CDON: variants seen among roughly 807,000 people sequenced by gnomAD.
CDON encodes the protein cell adhesion associated, oncogene regulated, also known as cell adhesion molecule-related/down-regulated by oncogenes.
A neutral mutation model predicts 120.9 loss-of-function variants in CDON; 73 were observed. That is an observed-to-expected ratio of 0.60 (90% confidence interval 0.50 to 0.73). The LOEUF (loss-of-function observed/expected upper bound fraction) is 0.73. Among genes scored for constraint, CDON ranks in the 30% least tolerant of loss-of-function variants. The pLI is 0.00. For synonymous variants in CDON, 566 were observed against 573.5 expected (o/e 0.99, Z 0.19); for missense variants, 1,470 against 1,587.3 (o/e 0.93, Z 1.26).
intron 12 of CDON, among the ~76,000 whole-genome samples, chr11:125,996,459 G>A (rs1218299394): frequency 1.3e-5 from 2 of 150,112 alleles, no homozygotes; most frequent in Non-Finnish European, 3.0e-5. Context: ...AGCACTTTGG[G>A]AGGCTGAGGC....
chr11:126,013,755 T>A (rs757471285), intron 7 of CDON, among the ~76,000 whole-genome samples: 1 of 152,124 alleles, frequency 6.6e-6, no homozygotes, highest in African/African-American at 2.4e-5. Flanking sequence ...TCTTTATTGA[T>A]CCTCTGTATT....
chr11:126,033,308 G>A (rs1027211591), intron 1 of CDON, among the ~76,000 whole-genome samples: 2 of 152,054 alleles, frequency 1.3e-5, no homozygotes, highest in Non-Finnish European at 2.9e-5. Context: ...GAGGTAAGTG[G>A]GGTTCTAAGG....
chr11:125,974,824 G>A (rs73019389), intron 18 of CDON, among the ~76,000 whole-genome samples: 35,787 of 151,770 alleles, frequency 0.24, 4,521 homozygotes, highest in South Asian at 0.3. Context: ...TTTTTATGAT[G>A]TATCATTTTA....
chr11:126,050,853 A>C (rs1007320671), intron 1 of CDON, among the ~76,000 whole-genome samples: 3 of 152,152 alleles, frequency 2.0e-5, no homozygotes, highest in Non-Finnish European at 4.4e-5. Flanking sequence ...CTCTGCAAAA[A>C]GCAATACTTC....
chr11:126,020,956 G>C (rs555371093), intron 3 of CDON, among the ~76,000 whole-genome samples: 1 of 151,160 alleles, frequency 6.6e-6, no homozygotes, highest in Admixed American at 6.6e-5. Context: ...CATTTAAAAA[G>C]TGTCCTTCCC....
At chr11:125,973,073 C>T (rs60015799) in intron 18 of CDON, among the ~76,000 whole-genome samples, 39,261 of 133,148 alleles carry the variant, frequency 0.29, 5,846 homozygotes, top group African/African-American at 0.32. Flanking sequence ...GACTCATCTC[C>T]TTCTAAATCC....
At chr11:125,973,018 CT>C (rs35828939) in intron 18 of CDON, among the ~76,000 whole-genome samples, 44,558 of 86,462 alleles carry the variant, frequency 0.52, 11,395 homozygotes, top group East Asian at 0.6. Flanking sequence ...ATTACTTGGT[CT>C]TTTTTTTTTT....
At chr11:126,009,315 A>G (rs1426042748) in intron 8 of CDON, among the ~76,000 whole-genome samples, 2 of 152,158 alleles carry the variant, frequency 1.3e-5, no homozygotes, top group African/African-American at 4.8e-5. Context: ...TATTTCAACC[A>G]TCACTCCTCT....
At chr11:126,017,706 CTT>C (rs11427608) in intron 5 of CDON, among the ~76,000 whole-genome samples, 1 of 140,760 alleles carries the variant, frequency 7.1e-6, no homozygotes. Flanking sequence ...AGACATATCT[CTT>C]TTTTTTTTTT....
intron 8 of CDON, among the ~76,000 whole-genome samples, chr11:126,010,120 A>G (rs1047600980): frequency 6.6e-6 from 1 of 152,210 alleles, no homozygotes; most frequent in Non-Finnish European, 1.5e-5. Flanking sequence ...AGCTTTCTGT[A>G]TTGCACCTAC....
chr11:126,010,370 G>A lies in CDON; in HGVS notation c.1523C>T (p.Thr508Ile), dbSNP rs745899080. 2.5e-6 allele frequency: 4 copies of A among 1,612,546 alleles called. No homozygotes were observed. The highest frequency in any genetic ancestry group is 3.4e-6 in the Non-Finnish European group (4 of 1,179,362). ...YICEAANEHGTTQAEASLMVV... is the reference protein window; with the variant it reads ...YICEAANEHGITQAEASLMVV... ...CATGAGAGATGCTTCTGCCTGTGTG[G>A]TACCATGTTCATTTGCAGCTTCGCA... Residue 508 changes from threonine to isoleucine, a missense_variant, in exon 8 of 20, where the codon ACC becomes ATC. By Grantham distance (89) the Thr-to-Ile change is moderately conservative (BLOSUM62 -1). Coordinates refer to ENST00000531738, the MANE Select transcript of CDON (RefSeq NM_001378964.1).
At chr11:126,022,057 G>A (rs11827811) in intron 2 of CDON, among the ~76,000 whole-genome samples, 3,429 of 139,126 alleles carry the variant, frequency 0.025, 136 homozygotes, top group African/African-American at 0.088. Context: ...AGCCATGACT[G>A]CACCACTGCA....
chr11:125,972,674 C>G (rs891483399), intron 18 of CDON, among the ~76,000 whole-genome samples: 8 of 152,168 alleles, frequency 5.3e-5, no homozygotes, highest in Non-Finnish European at 1.0e-4. Flanking sequence ...TAAAAGGGGT[C>G]AAGGGTTGGC....
chr11:126,053,814 T>C (rs1382972699), intron 1 of CDON, among the ~76,000 whole-genome samples: 1 of 150,460 alleles, frequency 6.6e-6, no homozygotes, highest in Non-Finnish European at 1.5e-5. Context: ...AGGTTACTGA[T>C]AAACCCTATG....
At chr11:125,990,106 A>G (rs1303554933) in intron 14 of CDON, among the ~76,000 whole-genome samples, 3 of 152,196 alleles carry the variant, frequency 2.0e-5, no homozygotes, top group African/African-American at 7.2e-5. Context: ...TTTCATCCCT[A>G]TCTTAACCCA....
In CDON at chr11:125,984,509, CA is replaced by C. The variant is rs1462066813; in HGVS notation, c.2774-417del. On this transcript the variant is annotated intron_variant, in intron 15 of 19. Coordinates refer to ENST00000531738, the MANE Select transcript of CDON (RefSeq NM_001378964.1). Reference sequence around the variant, plus strand: ...CTCAGGAGTTTGCGAACGGCCTGAGCAACACAGGGAAACCCCGTGTCTACTA... The same window carrying C: ...CTCAGGAGTTTGCGAACGGCCTGAGCACACAGGGAAACCCCGTGTCTACTA... 2.6e-5 allele frequency among the ~76,000 whole-genome samples: 4 copies of C among 152,112 alleles called. No individual in the cohort carries two copies. The East Asian group carries it at 7.7e-4, about 29-fold the overall frequency.
intron 5 of CDON, among the ~76,000 whole-genome samples, chr11:126,018,070 T>C (rs1173863648): frequency 2.0e-5 from 3 of 152,136 alleles, no homozygotes; most frequent in African/African-American, 7.2e-5. Flanking sequence ...CAGCTAATTT[T>C]TGTATTTTTA....
At chr11:125,976,562 A>G (rs1219259214) in intron 18 of CDON, among the ~76,000 whole-genome samples, 1 of 151,998 alleles carries the variant, frequency 6.6e-6, no homozygotes, top group Non-Finnish European at 1.5e-5. Context: ...AAACTGTATA[A>G]TAAAAACTTG....
chr11:126,023,343 T>C (rs769813427), intron 2 of CDON, 58 bp downstream of exon 2: 12 of 1,049,020 alleles, frequency 1.1e-5, no homozygotes, highest in Non-Finnish European at 1.8e-5. Flanking sequence ...CAAATTTATG[T>C]TTTATAGGAT....
Sources: allele counts gnomAD v4.1 joint callset (sites outside exome capture counted in the v4.1 genomes callset), GRCh38; gene constraint gnomAD v4.1.1; transcripts MANE v1.5; gene names NCBI Gene and HGNC (gene_info 2026-07-23, HGNC 2026-07-21).